Variants in PSG8 observed in about 807,000 individuals in gnomAD.
PSG8 encodes pregnancy specific beta-1-glycoprotein 8.
A neutral mutation model predicts 42.5 loss-of-function variants in PSG8; 57 were observed. The ratio of observed to expected loss-of-function variants is 1.34; its 90% CI spans 1.08 to 1.67. PSG8 has a LOEUF of 1.67. PSG8 is among the 40% of genes most tolerant of loss of function. The pLI, the probability that PSG8 is intolerant of heterozygous loss-of-function variation, is 0.00. For missense variants in PSG8, 783 were observed against 518.6 expected (o/e 1.51, Z -4.95); for synonymous variants, 280 against 196.8 (o/e 1.42, Z -3.54).
chr19:42,752,728 T>C (rs1405400899), downstream of PSG8: 1 of 168,796 alleles, frequency 5.9e-6, no homozygotes, highest in Non-Finnish European at 1.3e-5. Flanking sequence ...CTAGAATCAG[T>C]ATTACTGTCA....
intron 3 of PSG8, chr19:42,755,621 G>C (rs1271807251): frequency 1.2e-4 from 44 of 372,818 alleles, no homozygotes; most frequent in East Asian, 1.1e-3. Flanking sequence ...TGTGCAACTG[G>C]TGGGCCCCTT....
At chr19:42,753,398 A>C (rs761459940), downstream of PSG8, 5 of 779,520 alleles carry the variant, frequency 6.4e-6, no homozygotes, top group Admixed American at 8.5e-5. Flanking sequence ...TAATAAAAAC[A>C]CAGAAACAAT....
At chr19:42,754,862 G>C (rs1305428104) in intron 4 of PSG8, 126 bp downstream of exon 4, 3 of 1,539,600 alleles carry the variant, frequency 1.9e-6, no homozygotes, top group Admixed American at 4.0e-5. Context: ...AGGGAGTCAT[G>C]GCCAGCTCGG....
At chr19:42,764,338 A>G (rs1228444669) in intron 1 of PSG8, 57 bp from the exon 2 acceptor site, 9 of 1,564,630 alleles carry the variant, frequency 5.8e-6, no homozygotes, top group African/African-American at 1.4e-5. Context: ...GTGTGAAAAC[A>G]TGGGGCCCTG....
chr19:42,759,328 G>A (rs961707707), intron 2 of PSG8, among the ~76,000 whole-genome samples: 23 of 152,242 alleles, frequency 1.5e-4, no homozygotes, highest in Admixed American at 1.3e-3. Flanking sequence ...TGGGATCAGG[G>A]CAATAGGGCG....
rs767124095 is a variant in PSG8, at chr19:42,764,128, C to T, written c.218G>A (p.Arg73Lys). Residue 73 changes from arginine to lysine, a missense_variant, in exon 2 of 5, where the codon AGG becomes AAG. Arg to Lys is a conservative substitution (Grantham distance 26). Transcript: ENST00000306511. ...TGYIWYKGQI[R>K]DLYHYITSYV... is the part of the protein sequence containing the mutation. ...TGATGTAATGTAATGGTAGAGGTCC[C>T]TGATTTGCCCTTTGTACCAGATGTA... The T allele has an allele frequency of 3.7e-6, 6 of 1,613,862 alleles. No individual in the cohort carries two copies. The South Asian group carries it at 4.4e-5, about 12-fold the overall frequency.
chr19:42,756,124 A>T (rs1385825098), intron 3 of PSG8: 2 of 152,236 alleles, frequency 1.3e-5, no homozygotes, highest in Non-Finnish European at 2.9e-5. Context: ...GATCTGCTGG[A>T]AATCTGGTCC....
chr19:42,760,231 A>T (rs549266223), intron 2 of PSG8, among the ~76,000 whole-genome samples: 1 of 152,264 alleles, frequency 6.6e-6, no homozygotes, highest in East Asian at 1.9e-4. Flanking sequence ...ACTCCAACTT[A>T]TGAAAATGGC....
At chr19:42,759,000 C>G (rs1459860991) in intron 2 of PSG8, 2 of 152,780 alleles carry the variant, frequency 1.3e-5, no homozygotes, top group Non-Finnish European at 2.9e-5. Flanking sequence ...ACCACGTTCC[C>G]TGTTCTGGAT....
At chr19:42,763,069 T>C (rs533221148) in intron 2 of PSG8, among the ~76,000 whole-genome samples, 1 of 152,282 alleles carries the variant, frequency 6.6e-6, no homozygotes, top group East Asian at 1.9e-4. Flanking sequence ...TGTGAATAAA[T>C]GTTAAATGAT....
chr19:42,760,401 TA>T, intron 2 of PSG8, among the ~76,000 whole-genome samples: 1 of 152,310 alleles, frequency 6.6e-6, no homozygotes, highest in Non-Finnish European at 1.5e-5. Flanking sequence ...TAAAAATTGC[TA>T]TTGTCAAAAC....
intron 1 of PSG8, among the ~76,000 whole-genome samples, chr19:42,764,573 T>C (rs13382156): frequency 0.14 from 21,497 of 151,730 alleles, 2,411 homozygotes; most frequent in African/African-American, 0.31. Context: ...GGGGTCCGCA[T>C]GGCCCCCTCC....
chr19:42,755,009 G>T lies in PSG8; in HGVS notation c.967C>A (p.Pro323Thr). The T allele has an allele frequency of 1.2e-6, 2 of 1,613,412 alleles. No homozygotes were observed. Among genetic ancestry groups the T allele is most frequent in the Non-Finnish European group, 1.7e-6 (2 of 1,179,786 alleles). ...RDQYGGIRSY[P>T]VTLNVLYGPD... ...TCACAGAGGACATTCAGGGTGACTGGGTAACTGCGGATGCCACCATATTGG... is the reference window on the plus strand; with the variant it reads ...TCACAGAGGACATTCAGGGTGACTGTGTAACTGCGGATGCCACCATATTGG... The change falls in exon 4 of 5, where the codon CCA becomes ACA. Residue 323 changes from proline (P) to threonine (T), a missense_variant. Physicochemically the swap from Pro to Thr is conservative, Grantham distance 38. Coordinates refer to ENST00000306511, the MANE Select transcript of PSG8 (RefSeq NM_182707.3).
In PSG8 at chr19:42,754,494, G is replaced by A. The variant is rs757599628; in HGVS notation, c.1082C>T (p.Pro361Leu). 5.6e-6 allele frequency: 9 copies of A among 1,613,726 alleles called. No homozygotes were observed. Among genetic ancestry groups the A allele is most frequent in the African/African-American group, 2.7e-5 (2 of 74,872 alleles). Residue 361 changes from proline to leucine, a missense_variant, in exon 5 of 5, where the codon CCG becomes CTG. Pro to Leu is a moderately conservative substitution (Grantham distance 98). Transcript: ENST00000306511. ...ATTAATTGTCCAAGAATACTGTGCC[G>A]GTGGGTTAGAGTCCGCAGAACAGGA... Reference protein sequence around the residue: ...YLSCSADSNPPAQYSWTINGK... With the variant: ...YLSCSADSNPLAQYSWTINGK...
Position 42,755,115 on chromosome 19 carries a change from C to T in PSG8, c.861G>A (p.Lys287=), listed in dbSNP as rs907666049. Residue 287 remains lysine, a synonymous_variant, in exon 4 of 5, where the codon AAG becomes AAA. Transcript: ENST00000306511. ...TGAGGATCCTGTTTTCAATGGGTCG[C>T]TTTACCCTGGGACTGACCGGGAGGC... ...GQSLPVSPRV[K]RPIENRILIL... 15 of 1,611,848 alleles carry T rather than the reference C, an allele frequency of 9.3e-6. No individual in the cohort carries two copies. Among genetic ancestry groups the T allele is most frequent in the African/African-American group, 2.7e-5 (2 of 74,822 alleles).
chr19:42,761,632 C>G (rs1324503203), intron 2 of PSG8, among the ~76,000 whole-genome samples: 1 of 152,028 alleles, frequency 6.6e-6, no homozygotes, highest in Non-Finnish European at 1.5e-5. Context: ...CCTCCGCCCA[C>G]ATGATTCCAT....
At chr19:42,753,100 G>T, downstream of PSG8, 1 of 627,434 alleles carries the variant, frequency 1.6e-6, no homozygotes, top group Admixed American at 2.4e-5. Context: ...ATGATGGGGA[G>T]TCTTGTTCTG....
At chr19:42,753,052 C>T (rs1969820666), downstream of PSG8, 3 of 577,714 alleles carry the variant, frequency 5.2e-6, no homozygotes, top group Admixed American at 3.0e-5. Context: ...AAGAGGCAGG[C>T]ATGAGCAAGG....
At chr19:42,764,694 C>T (rs1970171326) in intron 1 of PSG8, among the ~76,000 whole-genome samples, 2 of 152,118 alleles carry the variant, frequency 1.3e-5, no homozygotes, top group Admixed American at 1.3e-4. Context: ...TCTGCTCCCT[C>T]CAGGGTTCTT....
Sources: gnomAD v4.1 joint callset for allele counts (sites outside exome capture counted in the v4.1 genomes callset) on GRCh38, gnomAD v4.1.1 for gene constraint, MANE v1.5 for transcripts, NCBI Gene and HGNC (gene_info 2026-07-23, HGNC 2026-07-21) for gene names.